The following SRFBP1 variants were observed in gnomAD, a reference collection of about 807,000 sequenced individuals.
SRFBP1 encodes serum response factor binding protein 1.
In SRFBP1, 47 loss-of-function variants were observed where a neutral mutation model predicts 45.5. The ratio of observed to expected loss-of-function variants is 1.03; its 90% confidence interval spans 0.82 to 1.32. The LOEUF is 1.32. Ranked by LOEUF, SRFBP1 falls within the 40% of genes most tolerant of loss-of-function variation. The probability of loss-of-function intolerance (pLI) is 0.00; values close to 1 mark genes in which losing one functional copy is unlikely to be tolerated. For missense variants in SRFBP1, 621 were observed against 484.6 expected, an observed-to-expected ratio of 1.28 and a Z score of -2.64; for synonymous variants, 203 against 166.3, an observed-to-expected ratio of 1.22 and a Z score of -1.70.
At chr5:122,015,603 G>T (rs1291679265) in intron 4 of SRFBP1, among the ~76,000 whole-genome samples, 1 of 152,174 alleles carries the variant, frequency 6.6e-6, no homozygotes, top group Non-Finnish European at 1.5e-5. Context: ...AATGACTTTG[G>T]CTTTGTTCCA....
chr5:121,980,817 T>C (rs548366981), intron 3 of SRFBP1, among the ~76,000 whole-genome samples: 12 of 152,256 alleles, frequency 7.9e-5, no homozygotes, highest in African/African-American at 2.6e-4. Context: ...GCAAGATGCT[T>C]TGAATCTGCT....
At chr5:122,068,917 A>G (rs944893965) in intron 2 of SRFBP1, among the ~76,000 whole-genome samples, 1 of 150,648 alleles carries the variant, frequency 6.6e-6, no homozygotes, top group Non-Finnish European at 1.5e-5. Flanking sequence ...AGCTTAAATT[A>G]TAATGGTGTT....
rs571057864 is a variant in SRFBP1, at chr5:121,980,515, A to C, written c.198+5128A>C. 2.6e-5 allele frequency among the ~76,000 whole-genome samples: 4 copies of C among 152,242 alleles called. No individual in the cohort carries two copies. In the South Asian group the frequency reaches 8.3e-4, roughly 32 times the overall value. ...ATTGTTTCTATTTCTCTGCTGCAAT[A>C]ATTTATTTCTCTGATAGTATTTTCA... On this transcript the variant is annotated intron_variant, in intron 3 of 7. Coordinates refer to ENST00000339397, the MANE Select transcript of SRFBP1 (RefSeq NM_152546.3).
intron 1 of SRFBP1, among the ~76,000 whole-genome samples, chr5:121,967,147 AT>A (rs1461810197): frequency 6.6e-6 from 1 of 152,066 alleles, no homozygotes. Flanking sequence ...ATTGCTTTTC[AT>A]TTCATGTAAG....
Position 121,974,262 on chromosome 5 carries a change from G to A in SRFBP1, c.103G>A (p.Val35Ile). The A allele has an allele frequency of 6.2e-7, 1 of 1,611,242 alleles. No homozygotes were observed. The highest frequency in any genetic ancestry group is 1.1e-5 in the South Asian group (1 of 90,948). The change falls in exon 2 of 8, where the codon GTT becomes ATT. Residue 35 changes from valine (V) to isoleucine (I), a missense_variant. Val to Ile is a conservative substitution (Grantham distance 29). Coordinates refer to ENST00000339397, the MANE Select transcript of SRFBP1 (RefSeq NM_152546.3). ...VLVIRKLVRSVGRLKSKKGTE... is the reference protein window; with the variant it reads ...VLVIRKLVRSIGRLKSKKGTE... ...AGTTATCCGAAAACTTGTCAGGAGT[G>A]TTGGCCGACTGAAGTCAAAAAAGTT...
chr5:121,964,380 T>G (rs1214525480), intron 1 of SRFBP1, among the ~76,000 whole-genome samples: 1 of 152,098 alleles, frequency 6.6e-6, no homozygotes, highest in Non-Finnish European at 1.5e-5. Context: ...TGTGTGATGT[T>G]CCCTTCCCTG....
In SRFBP1 at chr5:122,028,043, C is replaced by G. The variant is rs775508141; in HGVS notation, c.*917C>G. The stretch of plus-strand genomic sequence containing the variant: ...ATTAAAAGAATATTTCCACTGATGG[C>G]TAAGCAAAGAAGTTGTAAGATGACT... On this transcript the variant is annotated 3_prime_UTR_variant, in exon 8 of 8. Coordinates refer to ENST00000339397, the MANE Select transcript of SRFBP1 (RefSeq NM_152546.3). 1.3e-4 allele frequency: 20 copies of G among 152,110 alleles called. No homozygotes were observed. Among genetic ancestry groups the G allele is most frequent in the Non-Finnish European group, 2.8e-4 (19 of 68,034 alleles). 9.4% of individuals were successfully genotyped at this position (152,110 alleles called of 1,614,324 possible). A position where few individuals can be genotyped will look rare whatever the true frequency, so the allele number is the denominator to read the frequency against.
At chr5:122,049,685 C>G (rs1000467968) in intron 2 of SRFBP1, among the ~76,000 whole-genome samples, 3 of 152,124 alleles carry the variant, frequency 2.0e-5, no homozygotes, top group Non-Finnish European at 4.4e-5. Context: ...TCTCTCAGAC[C>G]ACAGTGCAAT....
At chr5:121,970,322 G>C (rs1752160193) in intron 1 of SRFBP1, among the ~76,000 whole-genome samples, 1 of 152,036 alleles carries the variant, frequency 6.6e-6, no homozygotes, top group Non-Finnish European at 1.5e-5. Context: ...TGTAACCAAG[G>C]ACCAACTCTA....
rs79380203 is a variant in SRFBP1, at chr5:122,061,662, A to G, written n.312-13653A>G. Among the ~76,000 whole-genome samples, 768 of 152,182 alleles carry G rather than the reference A, an allele frequency of 5.0e-3. 19 individuals are homozygous for G. The East Asian group carries it at 0.051, about 10-fold the overall frequency. ...ATTGTTTCACCCTAGTGTTATAAAC[A>G]ACTAAGATTTGTGAGGGAAGAGATT... On this transcript the variant is annotated intron_variant and non_coding_transcript_variant, in intron 2 of 2. Coordinates refer to the SRFBP1 transcript ENST00000504881.
intron 2 of SRFBP1, among the ~76,000 whole-genome samples, chr5:122,046,594 T>C (rs894214762): frequency 2.0e-5 from 3 of 152,242 alleles, no homozygotes; most frequent in Admixed American, 6.5e-5. Context: ...ATGGTATTTC[T>C]AGTTCTAGAT....
intron 2 of SRFBP1, among the ~76,000 whole-genome samples, chr5:122,050,767 T>A (rs997054213): frequency 2.6e-5 from 4 of 152,112 alleles, no homozygotes; most frequent in Non-Finnish European, 5.9e-5. Flanking sequence ...CACCTCTGAT[T>A]TTGGTTATTT....
At chr5:122,014,786 A>T (rs1753163939) in intron 4 of SRFBP1, among the ~76,000 whole-genome samples, 1 of 152,186 alleles carries the variant, frequency 6.6e-6, no homozygotes, top group Admixed American at 6.5e-5. Flanking sequence ...TCCACACTAG[A>T]CATGCAAGTA....
intron 7 of SRFBP1, among the ~76,000 whole-genome samples, chr5:122,023,805 A>G (rs751449804): frequency 6.6e-6 from 1 of 152,174 alleles, no homozygotes; most frequent in African/African-American, 2.4e-5. Flanking sequence ...TCAAAAACTC[A>G]GTGGATTTCT....
intron 4 of SRFBP1, among the ~76,000 whole-genome samples, chr5:122,005,837 G>A (rs1752962123): frequency 6.6e-6 from 1 of 152,002 alleles, no homozygotes; most frequent in Non-Finnish European, 1.5e-5. Context: ...GCATTTAGGT[G>A]TTATAATTTA....
At chr5:122,038,034 A>C (rs1360457505) in intron 2 of SRFBP1, among the ~76,000 whole-genome samples, 2 of 152,146 alleles carry the variant, frequency 1.3e-5, no homozygotes, top group Non-Finnish European at 2.9e-5. Flanking sequence ...ATAAAATCTC[A>C]TATCTCCCAC....
chr5:122,073,851 C>T (rs1199169093), intron 2 of SRFBP1, among the ~76,000 whole-genome samples: 4 of 152,198 alleles, frequency 2.6e-5, no homozygotes, highest in African/African-American at 4.8e-5. Context: ...AAATACTAGA[C>T]TCATGGGGTA....
At chr5:121,982,207 A>G (rs1433223164) in intron 3 of SRFBP1, among the ~76,000 whole-genome samples, 1 of 151,964 alleles carries the variant, frequency 6.6e-6, no homozygotes. Context: ...TTTTGTTTCT[A>G]AAAGAGCAAA....
intron 6 of SRFBP1, among the ~76,000 whole-genome samples, chr5:122,021,157 G>A (rs1184605413): frequency 6.6e-6 from 1 of 152,114 alleles, no homozygotes; most frequent in Non-Finnish European, 1.5e-5. Context: ...AAAGAATATG[G>A]TGTTTTTTCT....
Sources: allele counts gnomAD v4.1 joint callset (sites outside exome capture counted in the v4.1 genomes callset), GRCh38; gene constraint gnomAD v4.1.1; transcripts MANE v1.5; gene names NCBI Gene and HGNC (gene_info 2026-07-23, HGNC 2026-07-21).